ZDHHC14: variants seen among roughly 807,000 people sequenced by gnomAD.
ZDHHC14 encodes the protein zDHHC palmitoyltransferase 14.
Under a neutral mutation model 47.7 loss-of-function variants are expected in ZDHHC14, and 16 were observed. The observed-to-expected ratio is 0.34, with a 90% CI of 0.23 to 0.51. The LOEUF (loss-of-function observed/expected upper bound fraction) is 0.51, where lower values mean the gene tolerates loss of function less well. Ranked by LOEUF, ZDHHC14 falls within the 20% of genes least tolerant of loss-of-function variation. The pLI, the probability that ZDHHC14 is intolerant of heterozygous loss-of-function variation, is 0.97. For synonymous variants in ZDHHC14, 293 were observed against 278.9 expected, an observed-to-expected ratio of 1.05 and a Z score of -0.50; for missense variants, 515 against 662.5, an observed-to-expected ratio of 0.78 and a Z score of 2.44.
chr6:157,510,239 G>C (rs1446410018), intron 1 of ZDHHC14, among the ~76,000 whole-genome samples: 1 of 152,088 alleles, frequency 6.6e-6, no homozygotes, highest in Non-Finnish European at 1.5e-5. Flanking sequence ...GCGAGACTCT[G>C]TCTCAAAAAA....
At chr6:157,522,787 CCATT>C (rs1325188122) in intron 1 of ZDHHC14, among the ~76,000 whole-genome samples, 7 of 28,656 alleles carry the variant, frequency 2.4e-4, no homozygotes, top group Non-Finnish European at 3.4e-4. Flanking sequence ...ATCTCTCTTT[CCATT>C]CCTCCCTCCC....
Position 157,425,374 on chromosome 6 carries a change from T to G in ZDHHC14, c.245+43108T>G, listed in dbSNP as rs529737079. ...AGTTTCTTAATGGATTCTTTGGGGGTTTTTAGCTGTATAGGCATATCATAT... is the reference window on the plus strand; with the variant it reads ...AGTTTCTTAATGGATTCTTTGGGGGGTTTTAGCTGTATAGGCATATCATAT... On this transcript the variant is annotated intron_variant, in intron 1 of 8. Coordinates refer to ENST00000359775, the MANE Select transcript of ZDHHC14 (RefSeq NM_024630.3). 7.9e-5 allele frequency among the ~76,000 whole-genome samples: 12 copies of G among 152,070 alleles called. No individual in the cohort carries two copies. The South Asian group carries it at 1.9e-3, about 24-fold the overall frequency.
intron 3 of ZDHHC14, among the ~76,000 whole-genome samples, chr6:157,622,090 G>A (rs576206517): frequency 3.3e-5 from 5 of 152,062 alleles, no homozygotes; most frequent in African/African-American, 9.6e-5. Flanking sequence ...TATTCTTTTC[G>A]GCTGGGCATG....
intron 5 of ZDHHC14, among the ~76,000 whole-genome samples, chr6:157,644,957 C>T (rs1777448414): frequency 2.6e-5 from 4 of 152,080 alleles, no homozygotes; most frequent in African/African-American, 9.7e-5. Flanking sequence ...AAGCTTTTTC[C>T]CTTTGTGTTG....
intron 1 of ZDHHC14, among the ~76,000 whole-genome samples, chr6:157,497,321 A>T (rs957743364): frequency 6.6e-6 from 1 of 152,176 alleles, no homozygotes; most frequent in Non-Finnish European, 1.5e-5. Context: ...TTCCACAGTT[A>T]TAGATAGTTT....
At chr6:157,650,889 G>C (rs1777800028) in intron 7 of ZDHHC14, among the ~76,000 whole-genome samples, 1 of 152,164 alleles carries the variant, frequency 6.6e-6, no homozygotes, top group South Asian at 2.1e-4. Context: ...TTGGGACAGG[G>C]GGTCGGTGCT....
intron 5 of ZDHHC14, among the ~76,000 whole-genome samples, chr6:157,645,497 G>A (rs1777480335): frequency 6.6e-6 from 1 of 152,208 alleles, no homozygotes; most frequent in South Asian, 2.1e-4. Context: ...AACCCTCCAG[G>A]CATCACGGAG....
chr6:157,500,838 G>GA (rs777961348), intron 1 of ZDHHC14, among the ~76,000 whole-genome samples: 7 of 152,202 alleles, frequency 4.6e-5, no homozygotes, highest in Non-Finnish European at 1.0e-4. Context: ...GTGAAGAATA[G>GA]AACCAAGATT....
chr6:157,458,740 A>G (rs565062589), intron 1 of ZDHHC14, among the ~76,000 whole-genome samples: 1 of 152,156 alleles, frequency 6.6e-6, no homozygotes, highest in South Asian at 2.1e-4. Context: ...TCCTGTTGTG[A>G]CTAATCAAAC....
At chr6:157,592,369 T>C (rs372314146) in intron 2 of ZDHHC14, among the ~76,000 whole-genome samples, 3 of 152,336 alleles carry the variant, frequency 2.0e-5, no homozygotes, top group Non-Finnish European at 1.5e-5. Flanking sequence ...TTAAAATGTA[T>C]TTTTTACAAT....
At chr6:157,656,344 C>CTTTT (rs139902125) in intron 8 of ZDHHC14, among the ~76,000 whole-genome samples, 16 of 150,154 alleles carry the variant, frequency 1.1e-4, no homozygotes, top group Admixed American at 2.0e-4. Context: ...CTTTTCTTTT[C>CTTTT]TTTTTTTTGA....
At position 157,483,298 on chromosome 6, in the gene ZDHHC14, CTG is replaced by C. The variant is rs546989429; in HGVS notation, c.246-59285_246-59284del. On this transcript the variant is annotated intron_variant, in intron 1 of 8. Coordinates refer to ENST00000359775, the MANE Select transcript of ZDHHC14 (RefSeq NM_024630.3). ...ATTGGTTTTTCTCCCTGCTGACACT[CTG>C]TATGCAATTCATGCTGGTCTTGTTT... is the stretch of plus-strand genomic sequence containing the variant. Among the ~76,000 whole-genome samples, 358 of 152,306 alleles carry C rather than the reference CTG, an allele frequency of 2.4e-3. 1 individual carries two copies. Among genetic ancestry groups the C allele is most frequent in the African/African-American group, 7.9e-3 (330 of 41,564 alleles).
chr6:157,454,498 CTTTTTT>C (rs5881212), intron 1 of ZDHHC14, among the ~76,000 whole-genome samples: 2 of 127,668 alleles, frequency 1.6e-5, no homozygotes, highest in African/African-American at 3.0e-5. Context: ...GCAGCTTCTT[CTTTTTT>C]TTTTTTTTTT....
At chr6:157,417,680 T>C (rs2114765755) in intron 1 of ZDHHC14, among the ~76,000 whole-genome samples, 1 of 152,322 alleles carries the variant, frequency 6.6e-6, no homozygotes, top group East Asian at 1.9e-4. Context: ...AAATCTATTA[T>C]CTCCGTAAAG....
intron 1 of ZDHHC14, among the ~76,000 whole-genome samples, chr6:157,517,450 A>G (rs561456284): frequency 6.6e-6 from 1 of 151,930 alleles, no homozygotes; most frequent in East Asian, 1.9e-4. Context: ...AGCTGGGATT[A>G]CAGGTGCTGC....
rs1393135391 is a variant in ZDHHC14, at chr6:157,574,743, C to G, written c.407-18245C>G. 4.6e-5 allele frequency among the ~76,000 whole-genome samples: 7 copies of G among 152,224 alleles called. 1 individual carries two copies. In the South Asian group the frequency reaches 1.0e-3, roughly 23 times the overall value. On this transcript the variant is annotated intron_variant, in intron 2 of 8. Coordinates refer to ENST00000359775, the MANE Select transcript of ZDHHC14 (RefSeq NM_024630.3). ...TTCTCTCCATCACCATGGCCACCAC[C>G]CTATTTCAAGCTAACATCGTCTCAA...
intron 2 of ZDHHC14, among the ~76,000 whole-genome samples, chr6:157,576,457 G>A (rs1783313308): frequency 6.6e-6 from 1 of 152,134 alleles, no homozygotes; most frequent in South Asian, 2.1e-4. Context: ...CAGACTGTAA[G>A]CCCAGAGATT....
At chr6:157,465,499 G>C (rs1001793828) in intron 1 of ZDHHC14, among the ~76,000 whole-genome samples, 12 of 152,012 alleles carry the variant, frequency 7.9e-5, no homozygotes, top group African/African-American at 2.9e-4. Context: ...CACACAAAAC[G>C]GGAAATGAAA....
rs1031862338 is a variant in ZDHHC14, at chr6:157,403,836, C to T, written c.245+21570C>T. On this transcript the variant is annotated intron_variant, in intron 1 of 8. Transcript: ENST00000359775. ...AGCGTGAAAGGCAGTCCAGAAGTGG[C>T]AAGCCTCATGGACCCGCCTGCAGGA... Among the ~76,000 whole-genome samples the T allele has an allele frequency of 2.6e-5, 4 of 152,346 alleles. No homozygotes were observed. In the South Asian group the frequency reaches 8.3e-4, roughly 32 times the overall value.
Sources: allele counts gnomAD v4.1 joint callset (sites outside exome capture counted in the v4.1 genomes callset), GRCh38; gene constraint gnomAD v4.1.1; transcripts MANE v1.5; gene names NCBI Gene and HGNC (gene_info 2026-07-23, HGNC 2026-07-21).